The following FBN1 variants were observed in gnomAD, a reference collection of about 807,000 sequenced individuals.
FBN1 encodes fibrillin-1.
FBN1 carries 29 observed loss-of-function variants against 365.1 expected under a neutral mutation model. The observed-to-expected ratio is 0.08, with a 90% CI of 0.06 to 0.11. The LOEUF (loss-of-function observed/expected upper bound fraction) is 0.11. Among genes scored for constraint, FBN1 ranks in the 10% least tolerant of loss-of-function variants. FBN1 has a pLI of 1.00. For synonymous variants in FBN1, 1,210 were observed against 1,270.5 expected, an observed-to-expected ratio of 0.95 and a Z score of 1.01; for missense variants, 2,476 against 3,703.2, an observed-to-expected ratio of 0.67 and a Z score of 8.60.
At chr15:48,499,093 C>T in intron 17 of FBN1, 55 bp from the exon 18 acceptor site, 1 of 1,571,526 alleles carries the variant, frequency 6.4e-7, no homozygotes, top group South Asian at 1.1e-5. Context: ...ACAGGTAGAT[C>T]CTGCCCTTGG....
At position 48,447,803 on chromosome 15, in the gene FBN1, C is replaced by T. The variant is rs781256469; in HGVS notation, c.5671+965G>A. 5.3e-5 allele frequency among the ~76,000 whole-genome samples: 8 copies of T among 152,190 alleles called. No individual in the cohort carries two copies. The East Asian group carries it at 9.7e-4, about 18-fold the overall frequency. On this transcript the variant is annotated intron_variant, in intron 46 of 65. Coordinates refer to ENST00000316623, the MANE Select transcript of FBN1 (RefSeq NM_000138.5). Reference sequence around the variant, plus strand: ...CTGAATCAGGAAGCTATTGCTAACCCAAAGGGACTCTAATGTGTGTCTGTG... The same window carrying T: ...CTGAATCAGGAAGCTATTGCTAACCTAAAGGGACTCTAATGTGTGTCTGTG...
Position 48,505,010 on chromosome 15 carries a change from A to G in FBN1, c.1960+15T>C, listed in dbSNP as rs766086170. 24 of 1,614,004 alleles carry G rather than the reference A, an allele frequency of 1.5e-5. No individual in the cohort carries two copies. In the African/African-American group the frequency reaches 2.8e-4, roughly 19 times the overall value. On this transcript the variant is annotated intron_variant, in intron 16 of 65. Coordinates refer to ENST00000316623, the MANE Select transcript of FBN1 (RefSeq NM_000138.5). ...CTGAACCTCTCTCATAAGGTTAGCC[A>G]TGATGTTTTCTTACCAACACACACA...
chr15:48,494,222 T>C lies in FBN1; in HGVS notation c.2710A>G (p.Lys904Glu), dbSNP rs745999026. ...PICGKGYSRI[K>E]GTQCEDIDEC... is the part of the protein sequence containing the mutation. ...GAAATACCTTCACATTGTGTTCCTT[T>C]AATTCTTGAGTACCCTTTACCACAT... The change falls in exon 23 of 66, where the codon AAA (lysine) becomes GAA (glutamate). Residue 904 changes from lysine to glutamate, a missense_variant. Transcript: ENST00000316623. The C allele has an allele frequency of 6.2e-7, 1 of 1,612,866 alleles. No individual in the cohort carries two copies. The highest frequency in any genetic ancestry group is 1.1e-5 in the South Asian group (1 of 91,058).
At chr15:48,521,637 C>T (rs951452613) in intron 9 of FBN1, among the ~76,000 whole-genome samples, 2 of 152,110 alleles carry the variant, frequency 1.3e-5, no homozygotes, top group Non-Finnish European at 2.9e-5. Context: ...CTCTGGGTTA[C>T]GGAAAGAGTT....
chr15:48,446,732 A>C lies in FBN1; in HGVS notation c.5762T>G (p.Ile1921Ser). The stretch of plus-strand genomic sequence containing the variant: ...TATACAGTCATTGTTGTGAGAAAGG[A>C]TGAAACCATGATTGCAGCGGCAGTT... Reference protein sequence around the residue: ...SFNCRCNHGFILSHNNDCIDV... With the variant: ...SFNCRCNHGFSLSHNNDCIDV... Residue 1921 changes from isoleucine (I) to serine (S), a missense_variant, in exon 47 of 66, where the codon ATC (isoleucine) becomes AGC (serine). Ile to Ser is a moderately radical substitution (Grantham distance 142, BLOSUM62 -2). Around this residue, in one of 5 missense-constraint regions of FBN1, gnomAD observed 1,780 missense variants for 2,840.8 expected, o/e 0.63. Coordinates refer to ENST00000316623, the MANE Select transcript of FBN1 (RefSeq NM_000138.5). The C allele has an allele frequency of 1.9e-6, 3 of 1,612,828 alleles. No individual in the cohort carries two copies. The highest frequency in any genetic ancestry group is 2.5e-6 in the Non-Finnish European group (3 of 1,178,836).
rs1166727485 is a variant in FBN1 at position 48,515,464 on chromosome 15, C to T, written c.1391G>A (p.Arg464His). 8.1e-6 allele frequency: 13 copies of T among 1,614,056 alleles called. No individual in the cohort carries two copies. Among genetic ancestry groups the T allele is most frequent in the South Asian group, 5.5e-5 (5 of 91,080 alleles). Reference protein sequence around the residue: ...QLVRYLCQNGRCIPTPGSYRC... With the variant: ...QLVRYLCQNGHCIPTPGSYRC... ...GTAACTCCCAGGAGTTGGAATGCAG[C>T]GTCCATTTTGACAGAGATAGCGGAC... Residue 464 changes from arginine (R) to histidine (H), a missense_variant, in exon 12 of 66, where the codon CGC becomes CAC. Physicochemically the swap from Arg to His is conservative, Grantham distance 29. Coordinates refer to ENST00000316623, the MANE Select transcript of FBN1 (RefSeq NM_000138.5).
intron 60 of FBN1, 127 bp from the exon 61 acceptor site, chr15:48,422,195 A>G (rs2042949244): frequency 1.4e-6 from 1 of 719,796 alleles, no homozygotes; most frequent in Non-Finnish European, 2.5e-6. Context: ...AAGAAGCCAC[A>G]GCAAAAGGCA....
rs2043241739 is a variant in FBN1, at chr15:48,456,766, G to C, written c.5297-4C>G. 6.2e-7 allele frequency: 1 copy of C among 1,612,930 alleles called. No homozygotes were observed. The stretch of plus-strand genomic sequence containing the variant: ...ATCTCCCGGCACTCATCAATATCTA[G>C]AGACAGAGTAGTCATTCATGAGTGA... On this transcript the variant is annotated splice_polypyrimidine_tract_variant and splice_region_variant and intron_variant, in intron 43 of 65. Coordinates refer to ENST00000316623, the MANE Select transcript of FBN1 (RefSeq NM_000138.5).
Position 48,464,033 on chromosome 15 carries a change from A to G in FBN1, c.4943-12T>C, listed in dbSNP as rs904741259. On this transcript the variant is annotated splice_polypyrimidine_tract_variant and intron_variant, in intron 40 of 65. Transcript: ENST00000316623. ...ACATTCATTCACATCTATAATCCAA[A>G]GAGAAAGTGGTATGTGAATATGAAA... 1.2e-6 allele frequency: 2 copies of G among 1,613,422 alleles called. No individual in the cohort carries two copies. Among genetic ancestry groups the G allele is most frequent in the South Asian group, 1.1e-5 (1 of 91,060 alleles).
rs528700201 is a variant in FBN1 at position 48,416,131 on chromosome 15, C to A, written c.7820-364G>T. Among the ~76,000 whole-genome samples the A allele has an allele frequency of 6.4e-4, 97 of 152,260 alleles. No homozygotes were observed. In the Middle Eastern group the frequency reaches 0.014, roughly 21 times the overall value. Reference sequence around the variant, plus strand: ...GGTCATGAACCAACATGGGGCTGGTCCGTAGCTAAGATTTAGGGTTCAAGG... The same window carrying A: ...GGTCATGAACCAACATGGGGCTGGTACGTAGCTAAGATTTAGGGTTCAAGG... On this transcript the variant is annotated intron_variant, in intron 63 of 65. Transcript: ENST00000316623.
At chr15:48,447,452 G>T (rs375217049) in intron 46 of FBN1, among the ~76,000 whole-genome samples, 4 of 151,986 alleles carry the variant, frequency 2.6e-5, no homozygotes, top group African/African-American at 9.7e-5. Context: ...ATTCTTATTC[G>T]CCTTTTGATT....
At chr15:48,466,053 C>G (rs1397080928) in intron 38 of FBN1, among the ~76,000 whole-genome samples, 195 bp from the exon 39 acceptor site, 1 of 152,150 alleles carries the variant, frequency 6.6e-6, no homozygotes, top group Non-Finnish European at 1.5e-5. Context: ...TTATGTGTCC[C>G]CAGTGCAAGG....
intron 64 of FBN1, 80 bp from the exon 65 acceptor site, chr15:48,412,823 T>A (rs375628921): frequency 5.8e-6 from 9 of 1,544,174 alleles, no homozygotes; most frequent in East Asian, 4.5e-5. Flanking sequence ...TGGTGAAGCC[T>A]GTTCCTTGCA....
rs1312979969 is a variant in FBN1 at position 48,410,807 on chromosome 15, G to T, written c.*183C>A. ...CACACATGAGAAGCCTGAGAAAGTG[G>T]TTGTTTTGAACTAGGGTAGTCACCT... On this transcript the variant is annotated 3_prime_UTR_variant, in exon 66 of 66. Transcript: ENST00000316623. 4 of 611,964 alleles carry T rather than the reference G, an allele frequency of 6.5e-6. No individual in the cohort carries two copies. Among genetic ancestry groups the T allele is most frequent in the East Asian group, 2.8e-5 (1 of 35,632 alleles). 37.9% of individuals were successfully genotyped at this position (611,964 alleles called of 1,614,324 possible). A position where few individuals can be genotyped will look rare whatever the true frequency, so the allele number is the denominator to read the frequency against.
intron 6 of FBN1, among the ~76,000 whole-genome samples, chr15:48,540,005 C>T (rs1471002152): frequency 3.9e-5 from 6 of 152,144 alleles, no homozygotes; most frequent in African/African-American, 1.4e-4. Flanking sequence ...TCATTTCGTT[C>T]TTTCGATGAA....
chr15:48,526,583 CTT>C (rs920239013), intron 8 of FBN1, among the ~76,000 whole-genome samples: 23 of 152,200 alleles, frequency 1.5e-4, no homozygotes, highest in African/African-American at 5.3e-4. Flanking sequence ...TTTTGTTTTC[CTT>C]TTGTTTCCAT....
At position 48,411,111 on chromosome 15, in the gene FBN1, C is replaced by A. The variant is rs571906167; in HGVS notation, c.8495G>T (p.Ser2832Ile). ...TTTCTTTTTATAAAGTGGAGTACTA[C>A]TGATTTGTAATGAATAGGTTCCAGC... ...PVAGTYSLQI[S>I]STPLYKKKEL... Residue 2832 changes from serine (S) to isoleucine (I), a missense_variant, in exon 66 of 66, where the codon AGT becomes ATT. Ser to Ile is a moderately radical substitution (Grantham distance 142). This residue lies in a region of FBN1 where 177 missense variants were observed against 192.7 expected (regional missense o/e 0.92). Coordinates refer to ENST00000316623, the MANE Select transcript of FBN1 (RefSeq NM_000138.5). The A allele has an allele frequency of 1.2e-6, 2 of 1,613,986 alleles. No homozygotes were observed. The highest frequency in any genetic ancestry group is 1.7e-6 in the Non-Finnish European group (2 of 1,180,026).
At chr15:48,581,157 T>C (rs1013183300) in intron 6 of FBN1, among the ~76,000 whole-genome samples, 1 of 152,216 alleles carries the variant, frequency 6.6e-6, no homozygotes, top group Non-Finnish European at 1.5e-5. Flanking sequence ...ATCTACTCTG[T>C]GTTAGACATT....
chr15:48,562,097 A>G (rs1383792706), intron 6 of FBN1, among the ~76,000 whole-genome samples: 1 of 152,180 alleles, frequency 6.6e-6, no homozygotes, highest in Non-Finnish European at 1.5e-5. Context: ...ACTGGATGTT[A>G]GAAGAATGGA....
Sources: allele counts gnomAD v4.1 joint callset (sites outside exome capture counted in the v4.1 genomes callset), GRCh38; gene constraint gnomAD v4.1.1; regional missense constraint gnomAD v4.1.1; transcripts MANE v1.5; gene names NCBI Gene and HGNC (gene_info 2026-07-23, HGNC 2026-07-21).